SLC71A2: variants seen among roughly 807,000 people sequenced by gnomAD.
The protein encoded by SLC71A2 is hippocampus abundant transcript-like 1.
the SLC71A2 span, among the ~76,000 whole-genome samples, chr9:94,407,500 A>C: frequency 6.6e-6 from 1 of 151,466 alleles, no homozygotes; most frequent in Middle Eastern, 3.2e-3. Flanking sequence ...GGCCTCCGTC[A>C]CCTGAGTAGC....
the SLC71A2 span, among the ~76,000 whole-genome samples, chr9:94,390,171 G>T: frequency 6.6e-6 from 1 of 151,840 alleles, no homozygotes; most frequent in African/African-American, 2.4e-5. Flanking sequence ...CCGAGATCGC[G>T]CCACTGCATT....
the SLC71A2 span, among the ~76,000 whole-genome samples, chr9:94,398,170 A>G: frequency 0.19 from 28,550 of 151,130 alleles, 3,468 homozygotes; most frequent in African/African-American, 0.34. Context: ...TTCTTGTTCA[A>G]ATTGTTCTAG....
chr9:94,385,513 G>T, the SLC71A2 span, among the ~76,000 whole-genome samples: 1 of 152,084 alleles, frequency 6.6e-6, no homozygotes, highest in African/African-American at 2.4e-5. Flanking sequence ...GCTCTTATGT[G>T]TAGGCCATTA....
At chr9:94,457,186 G>A in the SLC71A2 span, among the ~76,000 whole-genome samples, 26 of 151,920 alleles carry the variant, frequency 1.7e-4, no homozygotes, top group African/African-American at 5.8e-4. Context: ...GCCTGGTCTC[G>A]AACTCCTGGG....
At chr9:94,430,375 A>G in the SLC71A2 span, among the ~76,000 whole-genome samples, 2 of 151,946 alleles carry the variant, frequency 1.3e-5, no homozygotes, top group South Asian at 4.2e-4. Flanking sequence ...GGTGCCCACC[A>G]CTACGCTCAG....
chr9:94,459,108 A>C, the SLC71A2 span: 145 of 1,560,492 alleles, frequency 9.3e-5, 3 homozygotes, highest in East Asian at 1.3e-3. Context: ...AATAATTTTG[A>C]GTTAAAAGAC....
At chr9:94,409,131 T>C in the SLC71A2 span, among the ~76,000 whole-genome samples, 1 of 76,354 alleles carries the variant, frequency 1.3e-5, no homozygotes, top group Non-Finnish European at 2.4e-5. Context: ...CCGGCCTCCT[T>C]TTTTTTTTTT....
At chr9:94,378,006 A>G in the SLC71A2 span, among the ~76,000 whole-genome samples, 1 of 151,934 alleles carries the variant, frequency 6.6e-6, no homozygotes, top group East Asian at 1.9e-4. Flanking sequence ...CAGGAGGCTG[A>G]GGCAGGAGAA....
chr9:94,440,058 A>G, the SLC71A2 span, among the ~76,000 whole-genome samples: 1 of 152,190 alleles, frequency 6.6e-6, no homozygotes, highest in Non-Finnish European at 1.5e-5. Flanking sequence ...ACTGAAAAAT[A>G]TTCCTATTGT....
At chr9:94,419,006 G>T in the SLC71A2 span, among the ~76,000 whole-genome samples, 1 of 152,160 alleles carries the variant, frequency 6.6e-6, no homozygotes, top group Admixed American at 6.5e-5. Context: ...GAGACTCCTC[G>T]TGTTGACTCC....
chr9:94,451,949 GT>G, the SLC71A2 span, among the ~76,000 whole-genome samples: 1 of 152,246 alleles, frequency 6.6e-6, no homozygotes, highest in Admixed American at 6.5e-5. Context: ...AGCCACAGTG[GT>G]TCCCCATCCC....
chr9:94,432,794 GTT>G, the SLC71A2 span: 1 of 407,786 alleles, frequency 2.5e-6, no homozygotes, highest in African/African-American at 2.1e-5. Context: ...GCTATCCCTA[GTT>G]TGTCCCCCAT....
chr9:94,388,013 C>G, the SLC71A2 span, among the ~76,000 whole-genome samples: 16 of 152,074 alleles, frequency 1.1e-4, no homozygotes, highest in Non-Finnish European at 2.1e-4. Context: ...GTGCATAGAT[C>G]TTTGAAGTAC....
chr9:94,390,333 G>A, the SLC71A2 span, among the ~76,000 whole-genome samples: 2 of 149,360 alleles, frequency 1.3e-5, no homozygotes, highest in Admixed American at 6.7e-5. Flanking sequence ...AATAGAAATT[G>A]GAATGGTTGG....
At chr9:94,404,657 A>G in the SLC71A2 span, among the ~76,000 whole-genome samples, 2 of 152,008 alleles carry the variant, frequency 1.3e-5, no homozygotes, top group Non-Finnish European at 2.9e-5. Context: ...AGAGAGGGCT[A>G]TTCAGTTTCC....
chr9:94,449,397 A>G, the SLC71A2 span, among the ~76,000 whole-genome samples: 1 of 152,246 alleles, frequency 6.6e-6, no homozygotes, highest in Non-Finnish European at 1.5e-5. Context: ...GCATCTTACA[A>G]TAACTCAACA....
the SLC71A2 span, chr9:94,438,249 T>C: frequency 8.6e-7 from 1 of 1,161,030 alleles, no homozygotes; most frequent in Non-Finnish European, 1.2e-6. Flanking sequence ...AATTTTATTT[T>C]TTTAGTTGTA....
the SLC71A2 span, chr9:94,459,772 TCAG>T: frequency 4.8e-6 from 1 of 207,700 alleles, no homozygotes; most frequent in Non-Finnish European, 9.9e-6. Flanking sequence ...CATGCCCTTT[TCAG>T]CAGAAGGCAC....
chr9:94,446,617 T>G, the SLC71A2 span, among the ~76,000 whole-genome samples: 1 of 152,174 alleles, frequency 6.6e-6, no homozygotes, highest in Admixed American at 6.5e-5. Flanking sequence ...TTTGCTTTTT[T>G]TTTTAGCTAT....
Sources: allele counts gnomAD v4.1 joint callset (sites outside exome capture counted in the v4.1 genomes callset), GRCh38; gene constraint gnomAD v4.1.1; transcripts MANE v1.5; gene names NCBI Gene and HGNC (gene_info 2026-07-23, HGNC 2026-07-21).